MYO5C: variants seen among roughly 807,000 people sequenced by gnomAD.
MYO5C encodes myosin VC.
In MYO5C, 194 loss-of-function variants were observed where a neutral mutation model predicts 235.7. The ratio of observed to expected loss-of-function variants is 0.82; its 90% confidence interval spans 0.73 to 0.93. The LOEUF is 0.93. Among genes scored for constraint, MYO5C ranks in the 40% least tolerant of loss-of-function variants. The pLI is 0.00. For synonymous variants in MYO5C, 707 were observed against 754.8 expected (o/e 0.94, Z 1.04); for missense variants, 2,038 against 2,127.2 (o/e 0.96, Z 0.82).
intron 38 of MYO5C, among the ~76,000 whole-genome samples, chr15:52,200,839 G>C (rs1472575949): frequency 2.0e-5 from 3 of 151,784 alleles, no homozygotes; most frequent in African/African-American, 7.3e-5. Flanking sequence ...AAAAGAAACA[G>C]AAAATATAAA....
At chr15:52,275,859 C>T in intron 4 of MYO5C, 141 bp from the exon 5 acceptor site, 1 of 842,174 alleles carries the variant, frequency 1.2e-6, no homozygotes, top group Non-Finnish European at 1.8e-6. Context: ...CAATTTCCTT[C>T]TAGATTTTTT....
intron 19 of MYO5C, chr15:52,243,098 C>T (rs1474512666): frequency 6.6e-6 from 1 of 152,236 alleles, no homozygotes. Context: ...GGCCCCTGCC[C>T]TCATGGAGCT....
At chr15:52,248,623 C>T in intron 14 of MYO5C, 77 bp downstream of exon 14, 1 of 1,022,892 alleles carries the variant, frequency 9.8e-7, no homozygotes, top group Non-Finnish European at 1.5e-6. Context: ...CTCTCTCTCT[C>T]CTTACTCTTT....
chr15:52,277,152 G>T (rs2037069116), intron 4 of MYO5C: 1 of 530,466 alleles, frequency 1.9e-6, no homozygotes, highest in South Asian at 1.4e-5. Context: ...ATAGAACAGG[G>T]CTTTAGTAAT....
Position 52,266,388 on chromosome 15 carries a change from T to A in MYO5C, c.941-2092A>T, listed in dbSNP as rs187552359. Among the ~76,000 whole-genome samples the A allele has an allele frequency of 1.9e-3, 284 of 152,184 alleles. 2 individuals carry two copies. Among genetic ancestry groups the A allele is most frequent in the African/African-American group, 6.4e-3 (264 of 41,496 alleles). Reference sequence around the variant, plus strand: ...CAAATGGCAGGGGTCAGTGGATGAATCACATGAGAAAGACACAGCAGAAGA... The same window carrying A: ...CAAATGGCAGGGGTCAGTGGATGAAACACATGAGAAAGACACAGCAGAAGA... On this transcript the variant is annotated intron_variant, in intron 8 of 40. Transcript: ENST00000261839.
rs74015632 is a variant in MYO5C at position 52,214,331 on chromosome 15, T to C, written c.4042+272A>G. Among the ~76,000 whole-genome samples, 1,190 of 152,308 alleles carry C rather than the reference T, an allele frequency of 7.8e-3. 14 individuals are homozygous for C. Among genetic ancestry groups the C allele is most frequent in the African/African-American group, 0.028 (1,150 of 41,564 alleles). ...GAAAAATTGTTCACAATTTCATTTT[T>C]TAAAAAAGGGAGCTAACAGAGGAAG... is the stretch of plus-strand genomic sequence containing the variant. On this transcript the variant is annotated intron_variant, in intron 33 of 40. Coordinates refer to ENST00000261839, the MANE Select transcript of MYO5C (RefSeq NM_018728.4).
In MYO5C at chr15:52,211,883, G is replaced by A. The variant is rs2035449456; in HGVS notation, c.4143C>T (p.Asp1381=). Residue 1381 remains aspartate (D), a splice_region_variant and synonymous_variant, in exon 35 of 41, where the codon GAC becomes GAT. Transcript: ENST00000261839. Reference sequence around the variant, plus strand: ...TCACCACCACGCCACGGGGCTTCAAGTCTGAAGCAGAGAGAGCCAATGAGG... The same window carrying A: ...TCACCACCACGCCACGGGGCTTCAAATCTGAAGCAGAGAGAGCCAATGAGG... ...EAKLIQNLIL[D]LKPRGVVVNM... 1 of 1,613,402 alleles carries A rather than the reference G, an allele frequency of 6.2e-7. No individual in the cohort carries two copies. The highest frequency in any genetic ancestry group is 1.3e-5 in the African/African-American group (1 of 74,918).
chr15:52,274,207 A>C (rs2036988457), intron 5 of MYO5C, among the ~76,000 whole-genome samples: 1 of 152,220 alleles, frequency 6.6e-6, no homozygotes, highest in African/African-American at 2.4e-5. Flanking sequence ...TGGAGTGTGC[A>C]GTCTAGTAGA....
chr15:52,194,000 G>C lies in MYO5C; in HGVS notation c.5131C>G (p.Leu1711Val), dbSNP rs1159083368. 3 of 1,613,722 alleles carry C rather than the reference G, an allele frequency of 1.9e-6. No homozygotes were observed. In the South Asian group the frequency reaches 3.3e-5, roughly 18 times the overall value. Reference protein sequence around the residue: ...SSQLMLDTKYLFQVTFPFTPS... With the variant: ...SSQLMLDTKYVFQVTFPFTPS... ...GTAAAAGGAAATGTGACTTGAAAGA[G>C]ATATTTGGTATCCAACATCAGCTGT... Residue 1711 changes from leucine (L) to valine (V), a missense_variant, in exon 41 of 41, where the codon CTC becomes GTC. By Grantham distance (32) the Leu-to-Val change is conservative. Coordinates refer to ENST00000261839, the MANE Select transcript of MYO5C (RefSeq NM_018728.4).
chr15:52,282,057 G>C (rs1266337642), intron 2 of MYO5C, among the ~76,000 whole-genome samples: 2 of 152,210 alleles, frequency 1.3e-5, no homozygotes, highest in Non-Finnish European at 2.9e-5. Flanking sequence ...CAAATGCAAA[G>C]TCTTCAGAAG....
rs779087046 is a variant in MYO5C at position 52,196,464 on chromosome 15, C to G, written c.4840G>C (p.Glu1614Gln). 13 of 1,613,434 alleles carry G rather than the reference C, an allele frequency of 8.1e-6. No homozygotes were observed. The highest frequency in any genetic ancestry group is 1.1e-5 in the Non-Finnish European group (13 of 1,179,822). ...MQIRCNISYL[E>Q]EWLKDKNLQN... ...AAGTTCTTATCTTTAAGCCATTCTT[C>G]TAAGTAGCTGATATTGCACCTGGAG... The change falls in exon 39 of 41, where the codon GAA becomes CAA. Residue 1614 changes from glutamate to glutamine, a missense_variant. Coordinates refer to ENST00000261839, the MANE Select transcript of MYO5C (RefSeq NM_018728.4).
At chr15:52,194,416 A>G (rs1429073094) in intron 40 of MYO5C, among the ~76,000 whole-genome samples, 1 of 152,178 alleles carries the variant, frequency 6.6e-6, no homozygotes, top group African/African-American at 2.4e-5. Context: ...TTCTTCATTC[A>G]TGGGTTTGCA....
chr15:52,253,377 T>C lies in MYO5C; in HGVS notation c.1476A>G (p.Pro492=). ...TTTTTGCTTCAATCAGGTCAATAACTGGTTGATTGTCATAAAAATCTATCA... is the reference window on the plus strand; with the variant it reads ...TTTTTGCTTCAATCAGGTCAATAACCGGTTGATTGTCATAAAAATCTATCA... ...WTLIDFYDNQ[P]VIDLIEAKMG... The change falls in exon 12 of 41, where the codon CCA becomes CCG. Residue 492 remains proline, a synonymous_variant. Transcript: ENST00000261839. 6.2e-7 allele frequency: 1 copy of C among 1,613,900 alleles called. No homozygotes were observed. Among genetic ancestry groups the C allele is most frequent in the Non-Finnish European group, 8.5e-7 (1 of 1,179,810 alleles).
intron 35 of MYO5C, 97 bp from the exon 36 acceptor site, chr15:52,208,740 G>T: frequency 9.7e-7 from 1 of 1,027,566 alleles, no homozygotes; most frequent in Non-Finnish European, 1.5e-6. Context: ...ACCAAAATTA[G>T]TTTTTCTTTT....
At chr15:52,245,828 G>T in intron 17 of MYO5C, 128 bp downstream of exon 17, 2 of 814,532 alleles carry the variant, frequency 2.5e-6, no homozygotes, top group Non-Finnish European at 4.0e-6. Flanking sequence ...AGGGCAGTGG[G>T]AAAATCTTGG....
intron 37 of MYO5C, chr15:52,205,569 A>AAGTTTC: frequency 2.9e-6 from 1 of 345,390 alleles, no homozygotes; most frequent in South Asian, 8.8e-5. Context: ...GCAGTAGTAG[A>AAGTTTC]AGTTTCCCCA....
At chr15:52,251,210 A>C in intron 13 of MYO5C, 180 bp downstream of exon 13, 1 of 440,204 alleles carries the variant, frequency 2.3e-6, no homozygotes, top group Non-Finnish European at 3.8e-6. Flanking sequence ...TTAAAGTAGT[A>C]CAGTTGGAAC....
At chr15:52,205,614 A>G (rs1596137282) in intron 37 of MYO5C, 2 of 391,584 alleles carry the variant, frequency 5.1e-6, no homozygotes, top group African/African-American at 4.1e-5. Context: ...TCCTTATATA[A>G]AGAAAACTAC....
Position 52,225,467 on chromosome 15 carries a change from A to G in MYO5C, c.3273T>C (p.His1091=), listed in dbSNP as rs748970540. 9.3e-6 allele frequency: 15 copies of G among 1,613,630 alleles called. No individual in the cohort carries two copies. The highest frequency in any genetic ancestry group is 4.4e-5 in the South Asian group (4 of 91,078). The change falls in exon 26 of 41, where the codon CAT becomes CAC. Residue 1091 remains histidine, a synonymous_variant. Coordinates refer to ENST00000261839, the MANE Select transcript of MYO5C (RefSeq NM_018728.4). Reference sequence around the variant, plus strand: ...TCATTTCCCGTTTTTGTGACTGCACATGTTTCTCCACATCTATCTTCTGTG... The same window carrying G: ...TCATTTCCCGTTTTTGTGACTGCACGTGTTTCTCCACATCTATCTTCTGTG... ...LQAQKIDVEK[H]VQSQKREMRE...
Sources: gnomAD v4.1 joint callset for allele counts (sites outside exome capture counted in the v4.1 genomes callset) on GRCh38, gnomAD v4.1.1 for gene constraint, MANE v1.5 for transcripts, NCBI Gene and HGNC (gene_info 2026-07-23, HGNC 2026-07-21) for gene names.